PPP6R3: variants seen among roughly 807,000 people sequenced by gnomAD.
PPP6R3 encodes protein phosphatase 6 regulatory subunit 3, also known as serine/threonine-protein phosphatase 6 regulatory subunit 3.
Under a neutral mutation model 110.7 loss-of-function variants are expected in PPP6R3, and 38 were observed. The observed-to-expected ratio is 0.34, with a 90% CI of 0.26 to 0.45. The LOEUF is 0.45. PPP6R3 is among the 20% of genes least tolerant of loss of function. PPP6R3 has a pLI of 1.00. For synonymous variants in PPP6R3, 369 were observed against 373.5 expected, an observed-to-expected ratio of 0.99 and a Z score of 0.14; for missense variants, 870 against 1,062.4, an observed-to-expected ratio of 0.82 and a Z score of 2.52.
intron 2 of PPP6R3, among the ~76,000 whole-genome samples, chr11:68,524,168 A>G (rs901638676): frequency 6.6e-6 from 1 of 152,196 alleles, no homozygotes; most frequent in Non-Finnish European, 1.5e-5. Context: ...GGGGCCTCTC[A>G]TGAAGCCACA....
At chr11:68,535,937 A>T (rs544624974) in intron 2 of PPP6R3, among the ~76,000 whole-genome samples, 4 of 152,168 alleles carry the variant, frequency 2.6e-5, no homozygotes, top group African/African-American at 9.6e-5. Context: ...ACTGCACTCC[A>T]GCCTGGGTGA....
intron 1 of PPP6R3, chr11:68,515,044 A>G (rs1199541566): frequency 1.3e-5 from 2 of 152,214 alleles, no homozygotes; most frequent in African/African-American, 4.8e-5. Context: ...AAGGAAAGAA[A>G]ACATCTCCCA....
intron 1 of PPP6R3, among the ~76,000 whole-genome samples, chr11:68,477,741 A>AAAAAATATATAT: frequency 0.01 from 590 of 57,796 alleles, 5 homozygotes; most frequent in Non-Finnish European, 0.016. Context: ...AAAAAAAAAA[A>AAAAAATATATAT]ATATATATAT....
chr11:68,505,582 G>C (rs77642359), intron 1 of PPP6R3, among the ~76,000 whole-genome samples: 7,007 of 152,198 alleles, frequency 0.046, 206 homozygotes, highest in Middle Eastern at 0.12. Context: ...TATTAGGTTG[G>C]TACAAAAGTA....
chr11:68,614,793 A>G lies in PPP6R3; in HGVS notation c.*1676A>G. On this transcript the variant is annotated 3_prime_UTR_variant, in exon 24 of 24. Transcript: ENST00000393800. Reference sequence around the variant, plus strand: ...CTGTCCTTGGGCCTCCTCTGGAAGCAGCACCCCCAGAGGACAGGGCTCCTC... The same window carrying G: ...CTGTCCTTGGGCCTCCTCTGGAAGCGGCACCCCCAGAGGACAGGGCTCCTC... The G allele has an allele frequency of 6.6e-7, 1 of 1,514,666 alleles. No individual in the cohort carries two copies. Among genetic ancestry groups the G allele is most frequent in the Non-Finnish European group, 9.0e-7 (1 of 1,115,930 alleles). 93.8% of individuals were successfully genotyped at this position (1,514,666 alleles called of 1,614,324 possible). A position where few individuals can be genotyped will look rare whatever the true frequency, so the allele number is the denominator to read the frequency against.
intron 1 of PPP6R3, chr11:68,505,271 G>A (rs1448883486): frequency 6.6e-6 from 1 of 151,998 alleles, no homozygotes; most frequent in Non-Finnish European, 1.5e-5. Flanking sequence ...AATTTTAAGG[G>A]GTATGTGGCT....
intron 2 of PPP6R3, among the ~76,000 whole-genome samples, chr11:68,531,005 T>TGAC (rs985695837): frequency 2.6e-5 from 4 of 152,342 alleles, no homozygotes; most frequent in African/African-American, 9.6e-5. Flanking sequence ...GTTTATGGTA[T>TGAC]GGTATGTTCT....
chr11:68,478,105 A>G (rs979355887), intron 1 of PPP6R3, among the ~76,000 whole-genome samples: 2 of 152,022 alleles, frequency 1.3e-5, no homozygotes, highest in Admixed American at 6.5e-5. Context: ...ACCCGCCACC[A>G]TGCCTGGCTA....
intron 1 of PPP6R3, among the ~76,000 whole-genome samples, chr11:68,491,736 G>A (rs1337058831): frequency 6.6e-6 from 1 of 151,994 alleles, no homozygotes; most frequent in Non-Finnish European, 1.5e-5. Context: ...TCCATCTCCT[G>A]AATGGTTTTC....
Position 68,614,416 on chromosome 11 carries a change from T to G in PPP6R3, c.*1299T>G. 1 of 1,306,782 alleles carries G rather than the reference T, an allele frequency of 7.7e-7. No homozygotes were observed. Among genetic ancestry groups the G allele is most frequent in the South Asian group, 1.9e-5 (1 of 52,918 alleles). 80.9% of individuals were successfully genotyped at this position (1,306,782 alleles called of 1,614,324 possible). ...TCTTGCACTTTTAGATGCAAATCAG[T>G]TTTTCATTTCTGTAATAGAAAATTA... is the stretch of plus-strand genomic sequence containing the variant. On this transcript the variant is annotated 3_prime_UTR_variant, in exon 24 of 24. Transcript: ENST00000393800.
At chr11:68,565,735 G>C (rs1314124453) in intron 9 of PPP6R3, among the ~76,000 whole-genome samples, 1 of 151,956 alleles carries the variant, frequency 6.6e-6, no homozygotes, top group Non-Finnish European at 1.5e-5. Flanking sequence ...GTTACTCCGA[G>C]AACTGAGTGA....
chr11:68,462,415 G>T (rs916016693), intron 1 of PPP6R3, among the ~76,000 whole-genome samples: 1 of 152,184 alleles, frequency 6.6e-6, no homozygotes, highest in Admixed American at 6.5e-5. Context: ...GCCTCATAAT[G>T]TTTAAAGAGA....
At chr11:68,485,498 T>C (rs1381453616) in intron 1 of PPP6R3, among the ~76,000 whole-genome samples, 2 of 152,166 alleles carry the variant, frequency 1.3e-5, no homozygotes, top group African/African-American at 4.8e-5. Context: ...GACCATCAAT[T>C]ATGATGATAG....
At chr11:68,611,086 C>T (rs1566222339) in intron 23 of PPP6R3, among the ~76,000 whole-genome samples, 2 of 152,128 alleles carry the variant, frequency 1.3e-5, no homozygotes, top group Non-Finnish European at 2.9e-5. Context: ...CTAGTGAAGG[C>T]TTTTGGGGGA....
At position 68,600,254 on chromosome 11, in the gene PPP6R3, CTT is replaced by C. The variant is rs1421103385; in HGVS notation, c.2039-84_2039-83del. On this transcript the variant is annotated intron_variant, in intron 19 of 23. Coordinates refer to ENST00000393800, the MANE Select transcript of PPP6R3 (RefSeq NM_001164161.2). Reference sequence around the variant, plus strand: ...TGTCTTTCTCCCACAGCTCCAGTCTCTTTTGCTAATGTGTTTTTGATAAATAC... The same window carrying C: ...TGTCTTTCTCCCACAGCTCCAGTCTCTTGCTAATGTGTTTTTGATAAATAC... 23 of 1,451,616 alleles carry C rather than the reference CTT, an allele frequency of 1.6e-5. 1 individual carries two copies. The highest frequency in any genetic ancestry group is 1.2e-4 in the Admixed American group (7 of 57,238). The allele number at this position is 1,451,616 out of a possible 1,614,324, so 89.9% of individuals were successfully genotyped here. A position where few individuals can be genotyped will look rare whatever the true frequency, so the allele number is the denominator to read the frequency against.
At chr11:68,591,502 A>ATTGG (rs2099595295) in intron 17 of PPP6R3, 74 bp from the exon 18 acceptor site, 1 of 1,384,364 alleles carries the variant, frequency 7.2e-7, no homozygotes, top group Non-Finnish European at 9.6e-7. Context: ...TGCAATTTAC[A>ATTGG]TTGGTAATGC....
chr11:68,504,034 C>T (rs1355569135), intron 1 of PPP6R3, among the ~76,000 whole-genome samples: 2 of 152,186 alleles, frequency 1.3e-5, no homozygotes, highest in Admixed American at 6.5e-5. Context: ...CACTTGGCCA[C>T]GTGCCTAATT....
At chr11:68,580,184 T>C (rs2099547972) in intron 14 of PPP6R3, among the ~76,000 whole-genome samples, 1 of 152,112 alleles carries the variant, frequency 6.6e-6, no homozygotes, top group Admixed American at 6.5e-5. Flanking sequence ...TTGCATGTTG[T>C]CCCGTGTGGA....
At chr11:68,555,674 A>C (rs750693894) in intron 7 of PPP6R3, among the ~76,000 whole-genome samples, 6 of 152,234 alleles carry the variant, frequency 3.9e-5, no homozygotes, top group Non-Finnish European at 7.3e-5. Context: ...CCATGTGCGC[A>C]CTAGCTTTTA....
Sources: allele counts gnomAD v4.1 joint callset (sites outside exome capture counted in the v4.1 genomes callset), GRCh38; gene constraint gnomAD v4.1.1; transcripts MANE v1.5; gene names NCBI Gene and HGNC (gene_info 2026-07-23, HGNC 2026-07-21).